The following AGBL4 variants were observed in gnomAD, a reference collection of about 807,000 sequenced individuals.
The protein encoded by AGBL4 is AGBL carboxypeptidase 4.
A neutral mutation model predicts 66.4 loss-of-function variants in AGBL4; 58 were observed. That is an observed-to-expected ratio of 0.87 (90% CI 0.71 to 1.09). The LOEUF (loss-of-function observed/expected upper bound fraction) is 1.09, where lower values mean the gene tolerates loss of function less well. AGBL4 is among the 50% of genes least tolerant of loss of function. The pLI is 0.00. For missense variants in AGBL4, 579 were observed against 631.0 expected (o/e 0.92, Z 0.88); for synonymous variants, 234 against 222.9 (o/e 1.05, Z -0.44).
chr1:48,845,798 A>T (rs1646896110), intron 6 of AGBL4, among the ~76,000 whole-genome samples: 1 of 152,198 alleles, frequency 6.6e-6, no homozygotes, highest in South Asian at 2.1e-4. Flanking sequence ...ACTTTGGGCA[A>T]GTTATTTGCT....
At chr1:49,548,872 G>A (rs887531506) in intron 3 of AGBL4, among the ~76,000 whole-genome samples, 1 of 152,054 alleles carries the variant, frequency 6.6e-6, no homozygotes, top group Non-Finnish European at 1.5e-5. Flanking sequence ...TTCTTTGAAT[G>A]TCCGGTAGAA....
chr1:49,809,032 G>GA (rs1294898459), intron 2 of AGBL4, among the ~76,000 whole-genome samples: 11 of 152,264 alleles, frequency 7.2e-5, no homozygotes, highest in African/African-American at 2.6e-4. Context: ...GGCAATTGAA[G>GA]AAAATCAATC....
intron 9 of AGBL4, 127 bp from the exon 10 acceptor site, chr1:48,591,112 A>ACC: frequency 2.7e-6 from 2 of 728,226 alleles, no homozygotes; most frequent in Non-Finnish European, 4.0e-6. Flanking sequence ...ACACACACAC[A>ACC]CATCAAGCTG....
intron 1 of AGBL4, among the ~76,000 whole-genome samples, chr1:49,984,411 A>C (rs1356947168): frequency 6.6e-6 from 1 of 152,210 alleles, no homozygotes; most frequent in Non-Finnish European, 1.5e-5. Flanking sequence ...AACACATTTA[A>C]ATGTTAAGTC....
chr1:49,998,941 T>C (rs1660554022), intron 1 of AGBL4, among the ~76,000 whole-genome samples: 1 of 151,978 alleles, frequency 6.6e-6, no homozygotes, highest in African/African-American at 2.4e-5. Context: ...CCTTAGGTAA[T>C]AAAAGCCATC....
intron 4 of AGBL4, among the ~76,000 whole-genome samples, chr1:49,145,326 T>C (rs1486161746): frequency 6.6e-6 from 1 of 152,136 alleles, no homozygotes; most frequent in African/African-American, 2.4e-5. Flanking sequence ...GTATCCCACC[T>C]CTATCATTTA....
chr1:49,543,565 CA>C lies in AGBL4; in HGVS notation c.282+153747del, dbSNP rs372851253. ...TGTAAGGAGCCGAGAATACTGTAAA[CA>C]AGCTAATATATCAGCAAGAGTGTTC... On this transcript the variant is annotated intron_variant, in intron 3 of 13. Coordinates refer to ENST00000371839, the MANE Select transcript of AGBL4 (RefSeq NM_032785.4). Among the ~76,000 whole-genome samples, 237 of 152,204 alleles carry C rather than the reference CA, an allele frequency of 1.6e-3. 1 individual carries two copies. The highest frequency in any genetic ancestry group is 4.9e-3 in the African/African-American group (202 of 41,546).
At chr1:49,983,372 G>C (rs1367470474) in intron 1 of AGBL4, among the ~76,000 whole-genome samples, 1 of 152,230 alleles carries the variant, frequency 6.6e-6, no homozygotes, top group Non-Finnish European at 1.5e-5. Flanking sequence ...GCCTCACAGA[G>C]AGCCAGCACC....
At chr1:48,743,447 T>C (rs1027309832) in intron 6 of AGBL4, among the ~76,000 whole-genome samples, 1 of 152,190 alleles carries the variant, frequency 6.6e-6, no homozygotes, top group Admixed American at 6.5e-5. Flanking sequence ...CTTTTAAAAA[T>C]GGACTGTTTT....
intron 4 of AGBL4, among the ~76,000 whole-genome samples, chr1:49,222,283 A>T (rs1214817106): frequency 6.9e-6 from 1 of 145,068 alleles, no homozygotes; most frequent in Non-Finnish European, 1.5e-5. Context: ...AATACAACTT[A>T]AAAAAAAAAA....
In AGBL4 at chr1:48,977,806, C is replaced by A. The variant is rs1342732198; in HGVS notation, c.594+67778G>T. The stretch of plus-strand genomic sequence containing the variant: ...GGAGCAAGAAACACTAGTCTGGAAC[C>A]CAGAGGATTATCTGCGAAGCTTTTT... On this transcript the variant is annotated intron_variant, in intron 5 of 13. Coordinates refer to ENST00000371839, the MANE Select transcript of AGBL4 (RefSeq NM_032785.4). 1.2e-4 allele frequency among the ~76,000 whole-genome samples: 19 copies of A among 152,130 alleles called. No individual in the cohort carries two copies. In the East Asian group the frequency reaches 3.1e-3, roughly 25 times the overall value.
intron 2 of AGBL4, among the ~76,000 whole-genome samples, chr1:49,792,624 T>C (rs1644628616): frequency 6.6e-6 from 1 of 152,066 alleles, no homozygotes; most frequent in Non-Finnish European, 1.5e-5. Flanking sequence ...CTTTATGTAT[T>C]TTTTGGTAAA....
intron 4 of AGBL4, among the ~76,000 whole-genome samples, chr1:49,133,600 G>T (rs1645945593): frequency 6.6e-6 from 1 of 151,916 alleles, no homozygotes; most frequent in Non-Finnish European, 1.5e-5. Context: ...GTATGTCAAG[G>T]GTGTTGAGAA....
At chr1:49,263,859 A>T (rs1383119337) in intron 3 of AGBL4, among the ~76,000 whole-genome samples, 2 of 152,322 alleles carry the variant, frequency 1.3e-5, no homozygotes. Flanking sequence ...GTATTCATTT[A>T]TAATAGGAAA....
chr1:49,707,536 C>A (rs1399050760), intron 2 of AGBL4, among the ~76,000 whole-genome samples: 1 of 151,904 alleles, frequency 6.6e-6, no homozygotes, highest in Non-Finnish European at 1.5e-5. Context: ...TTAACTGGGG[C>A]ATTTAGCCCA....
intron 1 of AGBL4, among the ~76,000 whole-genome samples, chr1:49,904,357 T>A (rs1650061341): frequency 6.6e-6 from 1 of 152,138 alleles, no homozygotes. Flanking sequence ...ACATTTTAGA[T>A]CTATGCCAGG....
intron 3 of AGBL4, among the ~76,000 whole-genome samples, chr1:49,377,670 T>C (rs1644500128): frequency 6.6e-6 from 1 of 152,044 alleles, no homozygotes; most frequent in African/African-American, 2.4e-5. Flanking sequence ...GCAATAGCAG[T>C]AGGTAGAATA....
At chr1:48,860,243 C>T (rs896570074) in intron 6 of AGBL4, among the ~76,000 whole-genome samples, 5 of 152,094 alleles carry the variant, frequency 3.3e-5, no homozygotes, top group Admixed American at 6.6e-5. Flanking sequence ...CTGGGCCAAA[C>T]GACTAAATAA....
At position 48,790,874 on chromosome 1, in the gene AGBL4, G is replaced by C. The variant is rs1425483572; in HGVS notation, c.634+76317C>G. On this transcript the variant is annotated intron_variant, in intron 6 of 13. Transcript: ENST00000371839. ...GTCTGAGACAGAGGATTGAGCCCAGGTTCAAGACCAGCCTGGGCAACATTA... is the reference window on the plus strand; with the variant it reads ...GTCTGAGACAGAGGATTGAGCCCAGCTTCAAGACCAGCCTGGGCAACATTA... Among the ~76,000 whole-genome samples, 3 of 152,078 alleles carry C rather than the reference G, an allele frequency of 2.0e-5. No individual in the cohort carries two copies. In the South Asian group the frequency reaches 6.2e-4, roughly 31 times the overall value.
Sources: allele counts gnomAD v4.1 joint callset (sites outside exome capture counted in the v4.1 genomes callset), GRCh38; gene constraint gnomAD v4.1.1; transcripts MANE v1.5; gene names NCBI Gene and HGNC (gene_info 2026-07-23, HGNC 2026-07-21).